SPOCK3: variants seen among roughly 807,000 people sequenced by gnomAD.
SPOCK3 encodes SPARC (osteonectin), cwcv and kazal like domains proteoglycan 3.
Under a neutral mutation model 56.6 loss-of-function variants are expected in SPOCK3, and 30 were observed. The observed-to-expected ratio is 0.53, with a 90% CI of 0.40 to 0.72. The LOEUF (loss-of-function observed/expected upper bound fraction) is 0.72, where lower values mean the gene tolerates loss of function less well. Ranked by LOEUF, SPOCK3 falls within the 30% of genes least tolerant of loss-of-function variation. The probability of loss-of-function intolerance (pLI) is 0.00; values close to 1 mark genes in which losing one functional copy is unlikely to be tolerated. For synonymous variants in SPOCK3, 196 were observed against 183.3 expected (o/e 1.07, Z -0.56); for missense variants, 527 against 530.0 (o/e 0.99, Z 0.06).
intron 4 of SPOCK3, among the ~76,000 whole-genome samples, chr4:166,943,741 G>A (rs370982230): frequency 3.3e-5 from 5 of 152,084 alleles, no homozygotes; most frequent in East Asian, 1.9e-4. Context: ...TAAAGTGGTC[G>A]TATGCTTTTC....
chr4:166,898,358 C>T (rs900243179), intron 5 of SPOCK3, among the ~76,000 whole-genome samples: 1 of 151,954 alleles, frequency 6.6e-6, no homozygotes, highest in Non-Finnish European at 1.5e-5. Context: ...CCAAGTGAGA[C>T]AGAAGGCCCA....
intron 2 of SPOCK3, among the ~76,000 whole-genome samples, chr4:167,204,327 A>C (rs1257168601): frequency 2.0e-5 from 3 of 152,122 alleles, no homozygotes; most frequent in Admixed American, 1.3e-4. Context: ...TGCTACGAAG[A>C]AATAGCCGAG....
intron 2 of SPOCK3, among the ~76,000 whole-genome samples, chr4:167,139,920 T>A (rs1019357220): frequency 6.6e-6 from 1 of 151,936 alleles, no homozygotes; most frequent in Non-Finnish European, 1.5e-5. Flanking sequence ...CACAGTCTTC[T>A]GGGAAAAGTT....
chr4:166,840,208 T>C (rs1212209440), intron 6 of SPOCK3, among the ~76,000 whole-genome samples: 1 of 151,694 alleles, frequency 6.6e-6, no homozygotes. Context: ...GTAGGGAGAC[T>C]CATTTCCACC....
chr4:167,053,108 G>GA (rs1023682563), intron 3 of SPOCK3, among the ~76,000 whole-genome samples: 1 of 152,060 alleles, frequency 6.6e-6, no homozygotes, highest in African/African-American at 2.4e-5. Flanking sequence ...CAAATGGATG[G>GA]AAAAAATGAT....
At chr4:167,083,788 A>G (rs1207643158) in intron 2 of SPOCK3, among the ~76,000 whole-genome samples, 1 of 152,154 alleles carries the variant, frequency 6.6e-6, no homozygotes, top group Non-Finnish European at 1.5e-5. Flanking sequence ...CTTTGTTCAT[A>G]GTTCCTGAAC....
At chr4:167,013,997 T>C in intron 3 of SPOCK3, among the ~76,000 whole-genome samples, 1 of 152,200 alleles carries the variant, frequency 6.6e-6, no homozygotes, top group East Asian at 1.9e-4. Context: ...TGAATGAATG[T>C]GTGTTAGGTG....
intron 2 of SPOCK3, among the ~76,000 whole-genome samples, chr4:167,111,650 G>T (rs1038002924): frequency 2.6e-5 from 4 of 152,122 alleles, no homozygotes; most frequent in Non-Finnish European, 5.9e-5. Flanking sequence ...GAAGATTGCT[G>T]ACAAAGGCCA....
intron 2 of SPOCK3, among the ~76,000 whole-genome samples, chr4:167,123,491 C>A (rs574958477): frequency 7.5e-4 from 77 of 102,900 alleles, no homozygotes; most frequent in Non-Finnish European, 1.1e-4. Flanking sequence ...TGTAGATCTG[C>A]AGCGATTCAG....
intron 4 of SPOCK3, among the ~76,000 whole-genome samples, chr4:166,949,136 C>T (rs187996283): frequency 0.028 from 4,193 of 152,056 alleles, 167 homozygotes; most frequent in African/African-American, 0.094. Context: ...TGATCGCATC[C>T]GCTCCTGAGG....
chr4:167,219,457 T>C (rs1442193971), intron 2 of SPOCK3, among the ~76,000 whole-genome samples: 2 of 152,148 alleles, frequency 1.3e-5, no homozygotes, highest in East Asian at 1.9e-4. Flanking sequence ...AAATTACTAT[T>C]TTTAGGAGGT....
chr4:166,963,737 T>C (rs1744402735), intron 4 of SPOCK3, among the ~76,000 whole-genome samples: 1 of 151,954 alleles, frequency 6.6e-6, no homozygotes, highest in Non-Finnish European at 1.5e-5. Flanking sequence ...ACATTATTTA[T>C]TTGTCAGTGG....
intron 2 of SPOCK3, among the ~76,000 whole-genome samples, chr4:167,210,883 A>G (rs1343154765): frequency 1.3e-5 from 2 of 152,180 alleles, no homozygotes; most frequent in Non-Finnish European, 2.9e-5. Context: ...ATCTGATCAC[A>G]TATTTCAGTT....
Position 166,754,712 on chromosome 4 carries a change from A to G in SPOCK3, c.727T>C (p.Leu243=), listed in dbSNP as rs1255260220. Residue 243 remains leucine (L), a synonymous_variant, in exon 8 of 11, where the codon TTG becomes CTG. Transcript: ENST00000357545. ...PERSRFDTSI[L]PICKDSLGWM... is the part of the protein sequence containing the mutation. The stretch of plus-strand genomic sequence containing the variant: ...CCAAGTGAGTCCTTGCAAATTGGCA[A>G]GATGCTGGTATCGAATCCTAAAGGC... 6.2e-7 allele frequency: 1 copy of G among 1,613,528 alleles called. No individual in the cohort carries two copies. The highest frequency in any genetic ancestry group is 2.2e-5 in the East Asian group (1 of 44,838).
At chr4:166,985,188 T>C (rs531831476) in intron 4 of SPOCK3, among the ~76,000 whole-genome samples, 148 of 152,248 alleles carry the variant, frequency 9.7e-4, no homozygotes, top group African/African-American at 3.2e-3. Context: ...AGGGTACCTT[T>C]GGATTGTTTG....
At chr4:167,045,591 G>A (rs1041506391) in intron 3 of SPOCK3, among the ~76,000 whole-genome samples, 18 of 151,656 alleles carry the variant, frequency 1.2e-4, no homozygotes, top group East Asian at 5.8e-4. Context: ...AAATTATACC[G>A]TTTTAAGTAG....
At chr4:166,950,051 C>T (rs909479593) in intron 4 of SPOCK3, among the ~76,000 whole-genome samples, 1 of 150,306 alleles carries the variant, frequency 6.7e-6, no homozygotes, top group African/African-American at 2.5e-5. Flanking sequence ...AACCAGCTAA[C>T]TTCATAATGA....
At chr4:166,898,108 G>A (rs192747923) in intron 5 of SPOCK3, among the ~76,000 whole-genome samples, 1 of 152,230 alleles carries the variant, frequency 6.6e-6, no homozygotes, top group East Asian at 1.9e-4. Context: ...GCTGAGGCAG[G>A]AGGATCACTG....
intron 5 of SPOCK3, among the ~76,000 whole-genome samples, chr4:166,906,584 CAGA>C (rs1045324749): frequency 8.0e-5 from 12 of 150,342 alleles, no homozygotes; most frequent in African/African-American, 2.7e-4. Flanking sequence ...CTAGAAGACA[CAGA>C]AGATTGTTTT....
Sources: gnomAD v4.1 joint callset for allele counts (sites outside exome capture counted in the v4.1 genomes callset) on GRCh38, gnomAD v4.1.1 for gene constraint, MANE v1.5 for transcripts, NCBI Gene and HGNC (gene_info 2026-07-23, HGNC 2026-07-21) for gene names.